Variants in CIMIP6 observed in about 807,000 individuals in gnomAD.
The protein encoded by CIMIP6 is uncharacterized protein C2orf73.
At chr2:54,361,529 C>G in the CIMIP6 span, 2 of 152,172 alleles carry the variant, frequency 1.3e-5, no homozygotes, top group Non-Finnish European at 2.9e-5. Flanking sequence ...AAGACTACAG[C>G]TATATCTTTA....
the CIMIP6 span, among the ~76,000 whole-genome samples, chr2:54,350,921 C>T: frequency 2.0e-5 from 3 of 152,284 alleles, no homozygotes; most frequent in Non-Finnish European, 4.4e-5. Context: ...TATGTCAAGT[C>T]TGCAGGCAGT....
the CIMIP6 span, among the ~76,000 whole-genome samples, chr2:54,346,811 G>T: frequency 3.3e-4 from 50 of 152,218 alleles, no homozygotes; most frequent in South Asian, 7.9e-3. Context: ...CATTGTCAAA[G>T]GATCTTTTTA....
chr2:54,348,139 T>TA, the CIMIP6 span, among the ~76,000 whole-genome samples: 1 of 152,232 alleles, frequency 6.6e-6, no homozygotes. Flanking sequence ...TCTTTTATAA[T>TA]ATTGGTTCAG....
chr2:54,366,959 C>T, the CIMIP6 span, among the ~76,000 whole-genome samples: 1 of 152,028 alleles, frequency 6.6e-6, no homozygotes, highest in Admixed American at 6.6e-5. Context: ...ATATAACCAT[C>T]TTAGAGATGA....
chr2:54,368,429 T>C, the CIMIP6 span, among the ~76,000 whole-genome samples: 1 of 152,222 alleles, frequency 6.6e-6, no homozygotes, highest in African/African-American at 2.4e-5. Context: ...GTCTCCTCCA[T>C]TGGGTTTCAA....
chr2:54,360,383 C>T, the CIMIP6 span: 1 of 1,609,172 alleles, frequency 6.2e-7, no homozygotes, highest in Admixed American at 1.7e-5. Context: ...ACAAAATTCT[C>T]AGGAGCTGTT....
chr2:54,364,680 CA>C, the CIMIP6 span, among the ~76,000 whole-genome samples: 2 of 152,144 alleles, frequency 1.3e-5, no homozygotes, highest in African/African-American at 2.4e-5. Flanking sequence ...AATGAAAAAA[CA>C]AGGATAGAAT....
At chr2:54,349,816 C>T in the CIMIP6 span, among the ~76,000 whole-genome samples, 1 of 151,452 alleles carries the variant, frequency 6.6e-6, no homozygotes, top group Non-Finnish European at 1.5e-5. Context: ...AGATTCCTTT[C>T]TCCCCCCTTT....
At chr2:54,343,517 A>G in the CIMIP6 span, among the ~76,000 whole-genome samples, 2 of 152,156 alleles carry the variant, frequency 1.3e-5, no homozygotes, top group African/African-American at 4.8e-5. Context: ...TATTTTAGCT[A>G]AAAATTTGAC....
chr2:54,381,976 T>C, the CIMIP6 span: 2 of 1,545,784 alleles, frequency 1.3e-6, no homozygotes, highest in South Asian at 2.4e-5. Context: ...CTCCTTGAAA[T>C]ACATTCACAG....
At chr2:54,370,542 G>C in the CIMIP6 span, among the ~76,000 whole-genome samples, 1 of 152,130 alleles carries the variant, frequency 6.6e-6, no homozygotes, top group African/African-American at 2.4e-5. Flanking sequence ...GTTCTCTCAA[G>C]AGTCTGAATT....
the CIMIP6 span, among the ~76,000 whole-genome samples, chr2:54,369,574 C>T: frequency 5.9e-5 from 9 of 152,178 alleles, no homozygotes; most frequent in East Asian, 1.9e-4. Flanking sequence ...TATCTCTTCA[C>T]GAGCCCATGA....
the CIMIP6 span, among the ~76,000 whole-genome samples, chr2:54,346,504 G>A: frequency 1.3e-5 from 2 of 152,060 alleles, no homozygotes; most frequent in South Asian, 4.2e-4. Flanking sequence ...ACCTGATATG[G>A]CTGGAATAGA....
At chr2:54,343,682 A>G in the CIMIP6 span, 3 of 1,490,152 alleles carry the variant, frequency 2.0e-6, no homozygotes, top group Non-Finnish European at 2.7e-6. Context: ...AATGCCCTAC[A>G]GTATCCAATA....
chr2:54,374,125 C>T, the CIMIP6 span, among the ~76,000 whole-genome samples: 1 of 152,190 alleles, frequency 6.6e-6, no homozygotes, highest in Non-Finnish European at 1.5e-5. Flanking sequence ...TTAGCCTGTA[C>T]CGTACTGTGC....
the CIMIP6 span, chr2:54,360,346 C>T: frequency 1.2e-6 from 2 of 1,610,598 alleles, no homozygotes; most frequent in Non-Finnish European, 1.7e-6. Context: ...CAGCGGAAAG[C>T]AGAATGATCT....
At chr2:54,377,189 C>G in the CIMIP6 span, among the ~76,000 whole-genome samples, 17 of 152,134 alleles carry the variant, frequency 1.1e-4, no homozygotes, top group Non-Finnish European at 1.5e-5. Context: ...TGAACCCACG[C>G]TCCCTGAAAA....
the CIMIP6 span, among the ~76,000 whole-genome samples, chr2:54,331,573 G>C: frequency 2.0e-5 from 3 of 151,888 alleles, no homozygotes; most frequent in South Asian, 2.1e-4. Flanking sequence ...CCTCTGACAG[G>C]ACTCTGCTAC....
chr2:54,363,740 G>C, the CIMIP6 span, among the ~76,000 whole-genome samples: 2 of 151,968 alleles, frequency 1.3e-5, no homozygotes, highest in African/African-American at 4.8e-5. Context: ...ATGGACTTTA[G>C]AGGGCAACAG....
Sources: gnomAD v4.1 joint callset for allele counts (sites outside exome capture counted in the v4.1 genomes callset) on GRCh38, gnomAD v4.1.1 for gene constraint, MANE v1.5 for transcripts, NCBI Gene and HGNC (gene_info 2026-07-23, HGNC 2026-07-21) for gene names.